The following HELZ variants were observed in gnomAD, a reference collection of about 807,000 sequenced individuals.
HELZ encodes the protein helicase with zinc finger, also known as ATP-dependent RNA helicase with zinc finger domain.
In HELZ, 23 loss-of-function variants were observed where a neutral mutation model predicts 218.2. That is an observed-to-expected ratio of 0.11 (90% CI 0.08 to 0.15). HELZ has a LOEUF of 0.15. HELZ is among the 10% of genes least tolerant of loss of function. The pLI is 1.00. For synonymous variants in HELZ, 814 were observed against 829.4 expected (o/e 0.98, Z 0.32); for missense variants, 1,813 against 2,353.7 (o/e 0.77, Z 4.75).
chr17:67,165,537 C>A (rs1454798881), intron 15 of HELZ, among the ~76,000 whole-genome samples: 3 of 152,146 alleles, frequency 2.0e-5, no homozygotes, highest in Non-Finnish European at 4.4e-5. Context: ...AAATAAACTT[C>A]TATTTTGTAG....
chr17:67,074,487 G>A lies in HELZ; in HGVS notation c.*3765C>T, dbSNP rs2035969220. 1 of 152,044 alleles carries A rather than the reference G, an allele frequency of 6.6e-6. No individual in the cohort carries two copies. The highest frequency in any genetic ancestry group is 6.5e-5 in the Admixed American group (1 of 15,268). The allele number at this position is 152,044 out of a possible 1,614,324, so 9.4% of individuals were successfully genotyped here. ...AAATACTAAAATTTATCTTGAAATT[G>A]TTCTTCACACCCTGACTCTTAACAA... is the stretch of plus-strand genomic sequence containing the variant. On this transcript the variant is annotated 3_prime_UTR_variant, in exon 33 of 33. Transcript: ENST00000358691.
In HELZ at chr17:67,071,173, C is replaced by T. The variant is rs2035876769; in HGVS notation, c.*7079G>A. On this transcript the variant is annotated 3_prime_UTR_variant, in exon 33 of 33. Coordinates refer to ENST00000358691, the MANE Select transcript of HELZ (RefSeq NM_014877.4). The stretch of plus-strand genomic sequence containing the variant: ...ACTGGCACAGAAATCAGATACAGTA[C>T]AATGTCATATACATGGATTTATAGG... 6.6e-6 allele frequency: 1 copy of T among 152,524 alleles called. No individual in the cohort carries two copies. The highest frequency in any genetic ancestry group is 2.4e-5 in the African/African-American group (1 of 41,408). The allele number at this position is 152,524 out of a possible 1,614,324, so 9.4% of individuals were successfully genotyped here. A position where few individuals can be genotyped will look rare whatever the true frequency, so the allele number is the denominator to read the frequency against.
At chr17:67,235,517 AAGAG>A (rs956314546) in intron 3 of HELZ, among the ~76,000 whole-genome samples, 4 of 151,670 alleles carry the variant, frequency 2.6e-5, no homozygotes, top group African/African-American at 7.3e-5. Flanking sequence ...AAAAAAAAAA[AAGAG>A]AGAGACAACA....
rs1424080226 is a variant in HELZ at position 67,244,809 on chromosome 17, C to T, written c.-132+339G>A. On this transcript the variant is annotated intron_variant, in intron 1 of 32. Transcript: ENST00000358691. ...GGAACGTGCCGGGAGGCTCGAGTCC[C>T]CCTCCCAGAGTGCTCTGGGCCGGAG... 3 of 985,274 alleles carry T rather than the reference C, an allele frequency of 3.0e-6. No homozygotes were observed. The African/African-American group carries it at 5.2e-5, about 17-fold the overall frequency. The allele number at this position is 985,274 out of a possible 1,614,324, so 61.0% of individuals were successfully genotyped here. A position where few individuals can be genotyped will look rare whatever the true frequency, so the allele number is the denominator to read the frequency against.
chr17:67,122,876 A>G, intron 26 of HELZ, 94 bp downstream of exon 26: 1 of 914,084 alleles, frequency 1.1e-6, no homozygotes, highest in Non-Finnish European at 1.6e-6. Flanking sequence ...TTTTTTTAAA[A>G]AAGAAGTTGG....
intron 31 of HELZ, among the ~76,000 whole-genome samples, chr17:67,090,417 T>C (rs1170464871): frequency 1.3e-5 from 2 of 152,196 alleles, no homozygotes; most frequent in Admixed American, 1.3e-4. Context: ...ATGCTGGCCA[T>C]ATACAATAAA....
At chr17:67,237,113 G>C (rs2041204503) in intron 3 of HELZ, among the ~76,000 whole-genome samples, 1 of 152,138 alleles carries the variant, frequency 6.6e-6, no homozygotes, top group Non-Finnish European at 1.5e-5. Flanking sequence ...GCCAAGGCGG[G>C]TGGATCACCT....
intron 6 of HELZ, among the ~76,000 whole-genome samples, chr17:67,201,704 T>TTTAAA (rs2040172987): frequency 1.3e-5 from 2 of 152,212 alleles, no homozygotes; most frequent in Non-Finnish European, 2.9e-5. Flanking sequence ...TACTCTTTAC[T>TTTAAA]CGTTTTAAAT....
intron 6 of HELZ, among the ~76,000 whole-genome samples, chr17:67,202,861 C>T (rs1456371458): frequency 6.6e-6 from 1 of 152,136 alleles, no homozygotes; most frequent in East Asian, 1.9e-4. Flanking sequence ...CAGGGGCTCA[C>T]ACCTATAATC....
intron 27 of HELZ, 66 bp from the exon 28 acceptor site, chr17:67,114,469 C>A: frequency 1.1e-6 from 1 of 913,258 alleles, no homozygotes; most frequent in Non-Finnish European, 1.8e-6. Context: ...AATGCTTATC[C>A]AATATTAGAG....
intron 4 of HELZ, among the ~76,000 whole-genome samples, chr17:67,218,351 G>A (rs891576417): frequency 1.3e-5 from 2 of 152,156 alleles, no homozygotes; most frequent in African/African-American, 4.8e-5. Context: ...CTAGAACAGT[G>A]TCTAGTACAC....
chr17:67,172,878 T>G, intron 13 of HELZ: 1 of 183,074 alleles, frequency 5.5e-6, no homozygotes. Context: ...AGTGCTAAGA[T>G]TATAGGTGTG....
intron 5 of HELZ, among the ~76,000 whole-genome samples, chr17:67,209,541 T>C (rs1387288360): frequency 4.6e-5 from 7 of 152,168 alleles, no homozygotes; most frequent in Admixed American, 4.6e-4. Flanking sequence ...GAGGTTGCAG[T>C]GAGCTAAGAT....
chr17:67,118,629 T>C (rs2037499196), intron 27 of HELZ, among the ~76,000 whole-genome samples: 2 of 145,024 alleles, frequency 1.4e-5, no homozygotes, highest in East Asian at 4.1e-4. Flanking sequence ...GGTGAGAGGA[T>C]TGCTTGAGCC....
At chr17:67,135,781 C>T (rs1355959402) in intron 23 of HELZ, among the ~76,000 whole-genome samples, 189 bp downstream of exon 23, 1 of 152,164 alleles carries the variant, frequency 6.6e-6, no homozygotes, top group Non-Finnish European at 1.5e-5. Flanking sequence ...TGAATAATGG[C>T]TCAATGAATA....
intron 18 of HELZ, chr17:67,150,194 GCT>G: frequency 2.8e-6 from 1 of 352,762 alleles, no homozygotes; most frequent in Non-Finnish European, 4.8e-6. Context: ...GGAGTGCAGT[GCT>G]ATATGATCAC....
intron 6 of HELZ, 35 bp from the exon 7 acceptor site, chr17:67,201,220 A>G (rs1448858913): frequency 2.1e-6 from 3 of 1,431,138 alleles, no homozygotes; most frequent in Non-Finnish European, 2.9e-6. Flanking sequence ...AGAACCAATT[A>G]GTATATTAAT....
At chr17:67,192,074 T>TG in intron 9 of HELZ, among the ~76,000 whole-genome samples, 1 of 151,850 alleles carries the variant, frequency 6.6e-6, no homozygotes, top group African/African-American at 2.4e-5. Flanking sequence ...TGGTGGCACA[T>TG]GCCTATAATC....
At position 67,161,082 on chromosome 17, in the gene HELZ, G is replaced by A. The variant is rs983529980; in HGVS notation, c.1896-6C>T. 1.4e-5 allele frequency: 22 copies of A among 1,582,966 alleles called. No individual in the cohort carries two copies. Among genetic ancestry groups the A allele is most frequent in the Non-Finnish European group, 1.7e-5 (20 of 1,164,924 alleles). On this transcript the variant is annotated splice_region_variant and splice_polypyrimidine_tract_variant and intron_variant, in intron 15 of 32. Transcript: ENST00000358691. Reference sequence around the variant, plus strand: ...CCAACTGTTCATCCCATTGTCTATGGAAAATAAAAATTTATGTTAAACACA... The same window carrying A: ...CCAACTGTTCATCCCATTGTCTATGAAAAATAAAAATTTATGTTAAACACA...
Sources: gnomAD v4.1 joint callset for allele counts (sites outside exome capture counted in the v4.1 genomes callset) on GRCh38, gnomAD v4.1.1 for gene constraint, MANE v1.5 for transcripts, NCBI Gene and HGNC (gene_info 2026-07-23, HGNC 2026-07-21) for gene names.